Variants in TTLL6 observed in about 807,000 individuals in gnomAD.
TTLL6 encodes the protein tubulin polyglutamylase TTLL6.
In TTLL6, 75 loss-of-function variants were observed where a neutral mutation model predicts 96.4. The ratio of observed to expected loss-of-function variants is 0.78; its 90% confidence interval spans 0.65 to 0.94. The LOEUF (loss-of-function observed/expected upper bound fraction) is 0.94, where lower values mean the gene tolerates loss of function less well. Ranked by LOEUF, TTLL6 falls within the 40% of genes least tolerant of loss-of-function variation. TTLL6 has a pLI of 0.00. For synonymous variants in TTLL6, 411 were observed against 419.4 expected, an observed-to-expected ratio of 0.98 and a Z score of 0.24; for missense variants, 1,030 against 1,093.0, an observed-to-expected ratio of 0.94 and a Z score of 0.81.
chr17:48,804,955 C>T lies in TTLL6; in HGVS notation c.140G>A (p.Arg47Lys). The T allele has an allele frequency of 2.6e-6, 4 of 1,551,754 alleles. No homozygotes were observed. The highest frequency in any genetic ancestry group is 3.5e-6 in the Non-Finnish European group (4 of 1,146,992). The change falls in exon 2 of 16, where the codon AGG (arginine) becomes AAG (lysine). Residue 47 changes from arginine (R) to lysine (K), a missense_variant. Transcript: ENST00000393382. ...WYFPRASSQA[R>K]EMPQCPTLES... ...CAAAGTCGGGCACTGTGGCATCTCC[C>T]TGGCCTGGGAGGAGGCTCTGGGGAA...
intron 14 of TTLL6, 55 bp downstream of exon 14, chr17:48,769,673 T>C: frequency 6.4e-7 from 1 of 1,572,938 alleles, no homozygotes; most frequent in East Asian, 2.3e-5. Flanking sequence ...ACTGGTTCTA[T>C]CGGTCCCTCT....
chr17:48,796,998 G>C (rs1191217630), intron 7 of TTLL6, 63 bp downstream of exon 7: 2 of 1,397,564 alleles, frequency 1.4e-6, no homozygotes, highest in Non-Finnish European at 1.9e-6. Flanking sequence ...GATTTAACTA[G>C]AATTTTTTTT....
chr17:48,804,623 T>C, intron 2 of TTLL6, 149 bp downstream of exon 2: 2 of 706,816 alleles, frequency 2.8e-6, no homozygotes, highest in East Asian at 2.7e-5. Context: ...AGTAGATTCT[T>C]TTTATATGAA....
At chr17:48,814,255 G>T (rs747644769) in intron 1 of TTLL6, among the ~76,000 whole-genome samples, 1 of 137,050 alleles carries the variant, frequency 7.3e-6, no homozygotes, top group Admixed American at 8.5e-5. Context: ...GGAGGCGGAC[G>T]TTGCAGTGAG....
chr17:48,773,452 A>G (rs1413160901), intron 13 of TTLL6, among the ~76,000 whole-genome samples: 1 of 152,176 alleles, frequency 6.6e-6, no homozygotes, highest in Non-Finnish European at 1.5e-5. Context: ...GACACATTAC[A>G]GGCTCATGCC....
intron 13 of TTLL6, among the ~76,000 whole-genome samples, chr17:48,778,054 G>T (rs2143260927): frequency 6.6e-6 from 1 of 152,220 alleles, no homozygotes; most frequent in East Asian, 1.9e-4. Context: ...AGGCGGGCAG[G>T]TCACTTGAGG....
Position 48,768,981 on chromosome 17 carries a change from G to T in TTLL6, c.*8C>A, listed in dbSNP as rs376913373. On this transcript the variant is annotated splice_region_variant and intron_variant, in intron 15 of 15. Coordinates refer to ENST00000393382, the MANE Select transcript of TTLL6 (RefSeq NM_001130918.3). ...CCAAATTCATTAAGGGAATATGTGT[G>T]GGCCTACCTAGCTCCTCTCACATCC... is the stretch of plus-strand genomic sequence containing the variant. 1.9e-6 allele frequency: 3 copies of T among 1,611,844 alleles called. No homozygotes were observed. The highest frequency in any genetic ancestry group is 1.7e-6 in the Non-Finnish European group (2 of 1,178,296).
At chr17:48,770,837 G>C (rs2143193358) in intron 13 of TTLL6, among the ~76,000 whole-genome samples, 1 of 151,852 alleles carries the variant, frequency 6.6e-6, no homozygotes, top group South Asian at 2.1e-4. Context: ...AGAATCACTT[G>C]AACTTGAGAG....
At position 48,771,512 on chromosome 17, in the gene TTLL6, G is replaced by C. The variant is rs187307076; in HGVS notation, c.2041-1415C>G. On this transcript the variant is annotated intron_variant, in intron 13 of 15. Transcript: ENST00000393382. ...CCAAGCATGGTGGTGCACACCTGTA[G>C]TCCTAGCTACTCGGGAGGCTGAGGC... Among the ~76,000 whole-genome samples, 240 of 152,134 alleles carry C rather than the reference G, an allele frequency of 1.6e-3. 3 individuals are homozygous for C. Among genetic ancestry groups the C allele is most frequent in the African/African-American group, 5.5e-3 (230 of 41,510 alleles).
chr17:48,794,335 G>T (rs1023682534), intron 8 of TTLL6: 17 of 1,595,862 alleles, frequency 1.1e-5, no homozygotes, highest in Admixed American at 1.7e-5. Context: ...AAGGAAAAAT[G>T]ACAGTAACCA....
At chr17:48,768,916 A>T in intron 15 of TTLL6, 73 bp downstream of exon 15, 2 of 1,487,448 alleles carry the variant, frequency 1.3e-6, no homozygotes, top group Non-Finnish European at 1.9e-6. Context: ...CCTCCTACCT[A>T]CCCAACATTC....
intron 14 of TTLL6, 29 bp from the exon 15 acceptor site, chr17:48,769,283 G>A (rs756567884): frequency 3.8e-6 from 6 of 1,567,106 alleles, no homozygotes; most frequent in African/African-American, 1.4e-5. Flanking sequence ...AAGCATCAGC[G>A]ATTTGTGCTG....
chr17:48,765,067 C>T (rs1488584053), intron 15 of TTLL6, among the ~76,000 whole-genome samples: 1 of 152,142 alleles, frequency 6.6e-6, no homozygotes, highest in Non-Finnish European at 1.5e-5. Context: ...AACTGGGGGA[C>T]CTGCTGAATG....
intron 13 of TTLL6, among the ~76,000 whole-genome samples, chr17:48,775,316 C>G (rs1367520050): frequency 6.6e-6 from 1 of 151,392 alleles, no homozygotes; most frequent in African/African-American, 2.4e-5. Context: ...ATAAAATTTC[C>G]CAACAAAAAT....
chr17:48,787,860 AGTT>A lies in TTLL6; in HGVS notation c.1537_1539del (p.Asn513del). On this transcript the variant is annotated inframe_deletion, in exon 11 of 16. Coordinates refer to ENST00000393382, the MANE Select transcript of TTLL6 (RefSeq NM_001130918.3). ...GAAGCAACAGTATTCTGGAAGAGGG[AGTT>A]GTTGTCCTGGAAAAACTTCTCATAC... 1.2e-6 allele frequency: 2 copies of A among 1,614,134 alleles called. No homozygotes were observed. Among genetic ancestry groups the A allele is most frequent in the South Asian group, 1.1e-5 (1 of 91,078 alleles).
intron 14 of TTLL6, 122 bp from the exon 15 acceptor site, chr17:48,769,376 C>G: frequency 8.4e-7 from 1 of 1,191,014 alleles, no homozygotes. Flanking sequence ...GCTCTTTGAG[C>G]CAGAATCAGC....
At chr17:48,816,678 A>T (rs531430061) in intron 1 of TTLL6, among the ~76,000 whole-genome samples, 1 of 152,306 alleles carries the variant, frequency 6.6e-6, no homozygotes, top group South Asian at 2.1e-4. Context: ...TGTGAGTCCC[A>T]GGGATCGCTG....
chr17:48,809,872 G>A (rs756907009), intron 1 of TTLL6, among the ~76,000 whole-genome samples: 11 of 151,574 alleles, frequency 7.3e-5, no homozygotes, highest in African/African-American at 1.2e-4. Flanking sequence ...AAGAAAGGCC[G>A]GGCGCGGTGG....
intron 13 of TTLL6, among the ~76,000 whole-genome samples, chr17:48,778,655 G>C (rs2038927838): frequency 6.6e-6 from 1 of 150,822 alleles, no homozygotes; most frequent in South Asian, 2.1e-4. Flanking sequence ...AAAATTGCCA[G>C]ACACAGTGGC....
Sources: gnomAD v4.1 joint callset for allele counts (sites outside exome capture counted in the v4.1 genomes callset) on GRCh38, gnomAD v4.1.1 for gene constraint, MANE v1.5 for transcripts, NCBI Gene and HGNC (gene_info 2026-07-23, HGNC 2026-07-21) for gene names.